C6orf163: variants seen among roughly 807,000 people sequenced by gnomAD.
C6orf163 encodes chromosome 6 open reading frame 163.
C6orf163 carries 22 observed loss-of-function variants against 28.4 expected under a neutral mutation model. The observed-to-expected ratio is 0.78, with a 90% confidence interval of 0.55 to 1.11. The LOEUF (loss-of-function observed/expected upper bound fraction) is 1.11, where lower values mean the gene tolerates loss of function less well. C6orf163 is among the 50% of genes least tolerant of loss of function. The pLI is 0.00. For synonymous variants in C6orf163, 110 were observed against 123.6 expected, an observed-to-expected ratio of 0.89 and a Z score of 0.73; for missense variants, 342 against 389.1, an observed-to-expected ratio of 0.88 and a Z score of 1.02.
intron 1 of C6orf163, 89 bp downstream of exon 1, chr6:87,345,336 T>C (rs1777306593): frequency 7.6e-7 from 1 of 1,315,194 alleles, no homozygotes; most frequent in Non-Finnish European, 1.0e-6. Context: ...TCAGCTTTTT[T>C]CTCTTCAGAG....
intron 4 of C6orf163, among the ~76,000 whole-genome samples, chr6:87,359,601 C>A (rs1169837651): frequency 6.6e-6 from 1 of 152,234 alleles, no homozygotes; most frequent in South Asian, 2.1e-4. Context: ...TATTTACAGA[C>A]TAACCAGGCA....
At chr6:87,364,857 T>G in intron 4 of C6orf163, 104 bp from the exon 5 acceptor site, 1 of 815,614 alleles carries the variant, frequency 1.2e-6, no homozygotes, top group South Asian at 1.8e-5. Context: ...CTCAGGCTGG[T>G]GGCTCATCTC....
At chr6:87,352,253 T>C (rs942445578) in intron 3 of C6orf163, among the ~76,000 whole-genome samples, 1 of 152,232 alleles carries the variant, frequency 6.6e-6, no homozygotes, top group African/African-American at 2.4e-5. Context: ...ACATCAGTAC[T>C]ACTTCTCAGG....
intron 1 of C6orf163, among the ~76,000 whole-genome samples, chr6:87,345,810 G>A (rs1188818): frequency 0.56 from 84,035 of 151,028 alleles, 23,689 homozygotes; most frequent in Non-Finnish European, 0.6. Flanking sequence ...CCAGCTACTC[G>A]GGAGGCTGAG....
chr6:87,348,125 A>G, intron 1 of C6orf163: 1 of 877,386 alleles, frequency 1.1e-6, no homozygotes, highest in Non-Finnish European at 1.4e-6. Context: ...ACTGCACTGC[A>G]GGCTGGGCTA....
At chr6:87,360,644 A>G (rs1777567572) in intron 4 of C6orf163, among the ~76,000 whole-genome samples, 3 of 151,988 alleles carry the variant, frequency 2.0e-5, no homozygotes. Context: ...CAAGTGATCC[A>G]CTTGCTTCTG....
At chr6:87,354,931 T>C (rs1349087672) in intron 3 of C6orf163, among the ~76,000 whole-genome samples, 1 of 152,222 alleles carries the variant, frequency 6.6e-6, no homozygotes, top group Non-Finnish European at 1.5e-5. Flanking sequence ...GAGCTGGCTC[T>C]CTCAGGGGCT....
chr6:87,364,975 A>C lies in C6orf163; in HGVS notation c.569A>C (p.Glu190Ala). The change falls in exon 5 of 5, where the codon GAA becomes GCA. Residue 190 changes from glutamate to alanine, a missense_variant. Transcript: ENST00000388923. The part of the protein sequence containing the change: ...IQAQKSKAVE[E>A]IVNTGVTVIK... ...ATCTTTTGTAGCAAAGCCGTGGAGGAAATTGTGAATACTGGTGTCACAGTT... is the reference window on the plus strand; with the variant it reads ...ATCTTTTGTAGCAAAGCCGTGGAGGCAATTGTGAATACTGGTGTCACAGTT... 7.1e-6 allele frequency: 11 copies of C among 1,542,814 alleles called. No individual in the cohort carries two copies. Among genetic ancestry groups the C allele is most frequent in the Non-Finnish European group, 9.6e-6 (11 of 1,141,226 alleles).
chr6:87,348,539 C>T (rs780309298), intron 1 of C6orf163: 123 of 1,167,716 alleles, frequency 1.1e-4, no homozygotes, highest in Admixed American at 1.8e-4. Context: ...TCCCTTTCTT[C>T]GGGCATTTAT....
At chr6:87,348,655 C>G in intron 1 of C6orf163, 157 bp from the exon 2 acceptor site, 1 of 1,402,978 alleles carries the variant, frequency 7.1e-7, no homozygotes. Context: ...CAGAGAAAAT[C>G]TTACTCTTTC....
chr6:87,353,698 G>T (rs1334686930), intron 3 of C6orf163, among the ~76,000 whole-genome samples: 1 of 152,090 alleles, frequency 6.6e-6, no homozygotes, highest in East Asian at 1.9e-4. Context: ...CCAGAAGTAA[G>T]TTAAAATATC....
rs115230128 is a variant in C6orf163, at chr6:87,351,397, C to T, written c.351+896C>T. 8.5e-3 allele frequency among the ~76,000 whole-genome samples: 1,288 copies of T among 152,228 alleles called. 16 individuals are homozygous for T. The highest frequency in any genetic ancestry group is 0.029 in the African/African-American group (1,214 of 41,528). ...CGTTGTTGCAACAATGAGCACCTAC[C>T]GTATATTAGATCTGTACCGGGTGAG... On this transcript the variant is annotated intron_variant, in intron 3 of 4. Coordinates refer to ENST00000388923, the MANE Select transcript of C6orf163 (RefSeq NM_001010868.3).
intron 4 of C6orf163, among the ~76,000 whole-genome samples, chr6:87,362,611 G>A (rs1387925442): frequency 5.3e-5 from 8 of 152,144 alleles, no homozygotes; most frequent in African/African-American, 1.9e-4. Flanking sequence ...ATTAATATTG[G>A]AAATAGCTTA....
chr6:87,354,659 T>G (rs971064975), intron 3 of C6orf163, among the ~76,000 whole-genome samples: 1 of 152,344 alleles, frequency 6.6e-6, no homozygotes, highest in South Asian at 2.1e-4. Flanking sequence ...TCTAAATACA[T>G]GAACTGAGGC....
At chr6:87,364,834 C>T (rs556184094) in intron 4 of C6orf163, 127 bp from the exon 5 acceptor site, 126 of 682,814 alleles carry the variant, frequency 1.8e-4, no homozygotes, top group Non-Finnish European at 2.7e-4. Context: ...AAAGCTCATC[C>T]GTATCAGCCT....
At chr6:87,363,319 T>C (rs1777604391) in intron 4 of C6orf163, among the ~76,000 whole-genome samples, 1 of 100,120 alleles carries the variant, frequency 1.0e-5, no homozygotes. Flanking sequence ...ACATTAAAAC[T>C]ATTTTCTTTT....
At chr6:87,354,624 G>A (rs373781057) in intron 3 of C6orf163, among the ~76,000 whole-genome samples, 1 of 152,172 alleles carries the variant, frequency 6.6e-6, no homozygotes, top group East Asian at 1.9e-4. Context: ...ATTTCTAAAT[G>A]GCCAATGTTT....
rs1469571792 is a variant in C6orf163, at chr6:87,345,056, G to A, written c.-44G>A. On this transcript the variant is annotated 5_prime_UTR_variant, in exon 1 of 5. Coordinates refer to ENST00000388923, the MANE Select transcript of C6orf163 (RefSeq NM_001010868.3). Reference sequence around the variant, plus strand: ...TTGAAACGACTTTTTCTGATTCTAAGATTATTTTAACTGTAAGTAGGAGAA... The same window carrying A: ...TTGAAACGACTTTTTCTGATTCTAAAATTATTTTAACTGTAAGTAGGAGAA... 1.4e-6 allele frequency: 2 copies of A among 1,449,186 alleles called. No individual in the cohort carries two copies. The highest frequency in any genetic ancestry group is 2.9e-5 in the African/African-American group (2 of 69,676). The allele number at this position is 1,449,186 out of a possible 1,614,324, so 89.8% of individuals were successfully genotyped here.
intron 4 of C6orf163, chr6:87,357,904 T>C (rs1296956593): frequency 6.6e-6 from 1 of 152,232 alleles, no homozygotes; most frequent in Non-Finnish European, 1.5e-5. Flanking sequence ...ATGTGTACTG[T>C]TAAAATATAT....
Sources: gnomAD v4.1 joint callset for allele counts (sites outside exome capture counted in the v4.1 genomes callset) on GRCh38, gnomAD v4.1.1 for gene constraint, MANE v1.5 for transcripts, NCBI Gene and HGNC (gene_info 2026-07-23, HGNC 2026-07-21) for gene names.